FOXN3: variants seen among roughly 807,000 people sequenced by gnomAD.
FOXN3 encodes the protein forkhead box protein N3.
A neutral mutation model predicts 38.4 loss-of-function variants in FOXN3; 7 were observed. The observed-to-expected ratio is 0.18, with a 90% confidence interval of 0.10 to 0.34. FOXN3 has a LOEUF of 0.34. FOXN3 is among the 10% of genes least tolerant of loss of function. FOXN3 has a pLI of 1.00. For missense variants in FOXN3, 456 were observed against 613.4 expected (o/e 0.74, Z 2.71); for synonymous variants, 230 against 242.2 (o/e 0.95, Z 0.47).
intron 2 of FOXN3, among the ~76,000 whole-genome samples, chr14:89,351,634 C>T (rs1419031658): frequency 6.6e-6 from 1 of 152,238 alleles, no homozygotes. Context: ...TGGCAGCAGG[C>T]CGACGGGCAA....
chr14:89,402,811 T>C (rs1380374063), intron 2 of FOXN3, among the ~76,000 whole-genome samples: 1 of 152,234 alleles, frequency 6.6e-6, no homozygotes, highest in Non-Finnish European at 1.5e-5. Context: ...TCAAGACTTC[T>C]TTCATGTAAT....
chr14:89,435,114 G>A (rs1952889962), intron 1 of FOXN3, among the ~76,000 whole-genome samples: 2 of 152,164 alleles, frequency 1.3e-5, no homozygotes, highest in African/African-American at 4.8e-5. Context: ...AGACACAGTG[G>A]CTTATGACTA....
At chr14:89,207,398 T>C (rs2042021453) in intron 4 of FOXN3, among the ~76,000 whole-genome samples, 1 of 152,058 alleles carries the variant, frequency 6.6e-6, no homozygotes, top group South Asian at 2.1e-4. Context: ...ACCGATGGGA[T>C]AAATACTAAG....
intron 1 of FOXN3, among the ~76,000 whole-genome samples, chr14:89,528,097 T>C (rs1894469041): frequency 6.6e-6 from 1 of 152,150 alleles, no homozygotes; most frequent in Non-Finnish European, 1.5e-5. Flanking sequence ...CTTTGAGAAA[T>C]ATTTTGACAG....
At chr14:89,396,197 T>C (rs1209602093) in intron 2 of FOXN3, among the ~76,000 whole-genome samples, 6 of 152,192 alleles carry the variant, frequency 3.9e-5, no homozygotes, top group East Asian at 1.9e-4. Context: ...GAAAAATCAC[T>C]TATAAAAACT....
chr14:89,524,245 G>A lies in FOXN3; in HGVS notation c.-15+94783C>T, dbSNP rs1429177614. Among the ~76,000 whole-genome samples the A allele has an allele frequency of 1.7e-4, 25 of 146,626 alleles. 1 individual carries two copies. Among genetic ancestry groups the A allele is most frequent in the Admixed American group, 1.6e-3 (24 of 14,766 alleles). On this transcript the variant is annotated intron_variant, in intron 1 of 6. Transcript: ENST00000345097. ...AAAAATTAGCCAAGCGAGGTGGTGG[G>A]CGCCTGTAGTCCCAGCTACTCGGGA...
chr14:89,514,721 G>A (rs1596304531), intron 1 of FOXN3, among the ~76,000 whole-genome samples: 1 of 152,088 alleles, frequency 6.6e-6, no homozygotes, highest in Non-Finnish European at 1.5e-5. Flanking sequence ...CTGTGCTTTC[G>A]AGGAATTTTA....
intron 5 of FOXN3, among the ~76,000 whole-genome samples, chr14:89,169,822 T>C (rs1887341830): frequency 6.6e-6 from 1 of 151,826 alleles, no homozygotes; most frequent in African/African-American, 2.4e-5. Context: ...AAAATAATGC[T>C]AGAAACAAAA....
chr14:89,464,823 G>A (rs565340170), intron 1 of FOXN3, among the ~76,000 whole-genome samples: 2 of 151,576 alleles, frequency 1.3e-5, no homozygotes, highest in East Asian at 2.0e-4. Context: ...TCAGCCTCTC[G>A]AATAGCTGGG....
chr14:89,506,823 T>C (rs1182870682), intron 1 of FOXN3, among the ~76,000 whole-genome samples: 3 of 152,196 alleles, frequency 2.0e-5, no homozygotes, highest in South Asian at 4.1e-4. Context: ...TCTGTGACCT[T>C]ACCCACAACC....
At chr14:89,613,433 C>T (rs903581500) in intron 1 of FOXN3, among the ~76,000 whole-genome samples, 1 of 152,200 alleles carries the variant, frequency 6.6e-6, no homozygotes, top group Non-Finnish European at 1.5e-5. Flanking sequence ...GTTGGTTACA[C>T]ACTCATTCTT....
chr14:89,310,687 C>T (rs969551225), intron 3 of FOXN3, among the ~76,000 whole-genome samples: 6 of 152,162 alleles, frequency 3.9e-5, no homozygotes, highest in Admixed American at 3.9e-4. Flanking sequence ...AGCATTTGGG[C>T]ACCATATATA....
At chr14:89,298,459 G>T in intron 3 of FOXN3, among the ~76,000 whole-genome samples, 1 of 132,608 alleles carries the variant, frequency 7.5e-6, no homozygotes, top group African/African-American at 2.9e-5. Flanking sequence ...GATAGAGGGA[G>T]ACTCCGTCTA....
rs144327277 is a variant in FOXN3, at chr14:89,205,462, C to A, written c.746-24656G>T. 8.0e-4 allele frequency among the ~76,000 whole-genome samples: 122 copies of A among 152,378 alleles called. 1 individual carries two copies. The East Asian group carries it at 0.019, about 24-fold the overall frequency. ...AAAAGTTGCCTTCTGGCCTGCCACA[C>A]TCCCATCGTGTGCCCACAAAAACCC... On this transcript the variant is annotated intron_variant, in intron 4 of 5. Coordinates refer to ENST00000557258, the MANE Select transcript of FOXN3 (RefSeq NM_005197.4).
chr14:89,284,638 A>G (rs1886562721), intron 3 of FOXN3: 1 of 451,908 alleles, frequency 2.2e-6, no homozygotes, highest in South Asian at 1.6e-5. Flanking sequence ...TCCTATTAGC[A>G]GAAACAATAC....
intron 1 of FOXN3, among the ~76,000 whole-genome samples, chr14:89,503,480 T>G (rs986339125): frequency 1.3e-5 from 2 of 152,246 alleles, no homozygotes; most frequent in African/African-American, 4.8e-5. Context: ...ATGAAGCACA[T>G]TGGAAGACAT....
At chr14:89,209,878 C>G (rs1888476996) in intron 4 of FOXN3, among the ~76,000 whole-genome samples, 1 of 152,190 alleles carries the variant, frequency 6.6e-6, no homozygotes, top group African/African-American at 2.4e-5. Flanking sequence ...GCATGATATA[C>G]CAATGCGGAT....
At chr14:89,380,262 G>A (rs901347033) in intron 2 of FOXN3, among the ~76,000 whole-genome samples, 1 of 152,232 alleles carries the variant, frequency 6.6e-6, no homozygotes, top group Non-Finnish European at 1.5e-5. Context: ...CACCATGTAA[G>A]ACATGCCTTT....
Position 89,557,781 on chromosome 14 carries a change from A to G in FOXN3, c.-15+61247T>C, listed in dbSNP as rs199555751. ...AGCACTTCAGGAGGCTGAGGCGGGT[A>G]GATCACTTGAGGCCAGAAGTTTGAG... is the stretch of plus-strand genomic sequence containing the variant. On this transcript the variant is annotated intron_variant, in intron 1 of 6. Coordinates refer to the FOXN3 transcript ENST00000345097. Among the ~76,000 whole-genome samples the G allele has an allele frequency of 3.3e-5, 5 of 152,236 alleles. No individual in the cohort carries two copies. The East Asian group carries it at 9.7e-4, about 29-fold the overall frequency.
Sources: allele counts gnomAD v4.1 joint callset (sites outside exome capture counted in the v4.1 genomes callset), GRCh38; gene constraint gnomAD v4.1.1; transcripts MANE v1.5; gene names NCBI Gene and HGNC (gene_info 2026-07-23, HGNC 2026-07-21).